The following CHIC2 variants were observed in gnomAD, a reference collection of about 807,000 sequenced individuals.
CHIC2 encodes the protein cysteine-rich hydrophobic domain-containing protein 2.
In CHIC2, 14 loss-of-function variants were observed where a neutral mutation model predicts 25.9. The ratio of observed to expected loss-of-function variants is 0.54; its 90% confidence interval spans 0.36 to 0.85. CHIC2 has a LOEUF of 0.85. Ranked by LOEUF, CHIC2 falls within the 40% of genes least tolerant of loss-of-function variation. The pLI is 0.01. For missense variants in CHIC2, 146 were observed against 202.0 expected (o/e 0.72, Z 1.68); for synonymous variants, 70 against 72.0 (o/e 0.97, Z 0.14).
At chr4:54,042,943 A>C (rs775789982) in intron 3 of CHIC2, among the ~76,000 whole-genome samples, 1 of 152,218 alleles carries the variant, frequency 6.6e-6, no homozygotes, top group Non-Finnish European at 1.5e-5. Flanking sequence ...GAATTTGATC[A>C]TCCATACTTC....
chr4:54,054,681 G>T (rs1473300608), intron 1 of CHIC2, among the ~76,000 whole-genome samples: 1 of 152,158 alleles, frequency 6.6e-6, no homozygotes, highest in Non-Finnish European at 1.5e-5. Context: ...TCTGCTTTAA[G>T]AACAGCTAAT....
chr4:54,033,435 G>T (rs1053081209), intron 3 of CHIC2, among the ~76,000 whole-genome samples: 2 of 151,972 alleles, frequency 1.3e-5, no homozygotes, highest in South Asian at 2.1e-4. Context: ...TATATATTCT[G>T]GACAAAAGTA....
the CHIC2 span, among the ~76,000 whole-genome samples, chr4:54,088,745 ACCCAGTCAT>A: frequency 3.3e-5 from 5 of 152,152 alleles, no homozygotes; most frequent in African/African-American, 1.2e-4. Context: ...GGAAGAATGA[ACCCAGTCAT>A]CCCTATGCAG....
the CHIC2 span, among the ~76,000 whole-genome samples, chr4:54,082,881 C>T: frequency 2.6e-5 from 4 of 152,154 alleles, no homozygotes; most frequent in African/African-American, 9.7e-5. Flanking sequence ...CAATGACTTT[C>T]CTGACCACCA....
At chr4:54,049,693 G>A (rs546841533) in intron 1 of CHIC2, among the ~76,000 whole-genome samples, 1 of 152,200 alleles carries the variant, frequency 6.6e-6, no homozygotes, top group African/African-American at 2.4e-5. Context: ...AACAATACCT[G>A]TGAATTTTAG....
chr4:54,063,260 G>T (rs1270467946), intron 1 of CHIC2, among the ~76,000 whole-genome samples: 2 of 152,184 alleles, frequency 1.3e-5, no homozygotes, highest in Non-Finnish European at 2.9e-5. Context: ...AAGTATGGAA[G>T]TCTGATCTAT....
chr4:54,028,026 G>A (rs765150029), intron 3 of CHIC2, among the ~76,000 whole-genome samples: 1 of 152,060 alleles, frequency 6.6e-6, no homozygotes. Flanking sequence ...CACTTTACCT[G>A]CTTTACAGTT....
At position 54,045,177 on chromosome 4, in the gene CHIC2, A is replaced by G. The variant is rs548481550; in HGVS notation, c.330+3778T>C. Among the ~76,000 whole-genome samples the G allele has an allele frequency of 2.0e-5, 3 of 152,340 alleles. No homozygotes were observed. The East Asian group carries it at 5.8e-4, about 29-fold the overall frequency. On this transcript the variant is annotated intron_variant, in intron 3 of 5. Coordinates refer to ENST00000263921, the MANE Select transcript of CHIC2 (RefSeq NM_012110.4). ...AATTAGTAGCTTACCAATCAAAAAA[A>G]GTCCAGGACCAGATGGATTCACAGC... is the stretch of plus-strand genomic sequence containing the variant.
chr4:54,028,750 A>AATG (rs2110069337), intron 3 of CHIC2, among the ~76,000 whole-genome samples: 1 of 152,366 alleles, frequency 6.6e-6, no homozygotes, highest in Non-Finnish European at 1.5e-5. Context: ...TTCAAGTTAA[A>AATG]CATCAGGAAT....
intron 3 of CHIC2, among the ~76,000 whole-genome samples, chr4:54,024,716 T>C (rs1716003571): frequency 6.6e-6 from 1 of 152,184 alleles, no homozygotes; most frequent in Admixed American, 6.5e-5. Flanking sequence ...ACCAAGCAAG[T>C]AATTATGCTG....
rs528665177 is a variant in CHIC2 at position 54,047,150 on chromosome 4, C to A, written c.330+1805G>T. On this transcript the variant is annotated intron_variant, in intron 3 of 5. Coordinates refer to ENST00000263921, the MANE Select transcript of CHIC2 (RefSeq NM_012110.4). The stretch of plus-strand genomic sequence containing the variant: ...CGATCATTAAAAAGTCAGGAAACAA[C>A]AGGTGCTGGAGAGGATGTGGAGAAA... Among the ~76,000 whole-genome samples the A allele has an allele frequency of 3.5e-3, 537 of 152,248 alleles. 2 individuals are homozygous for A. Among genetic ancestry groups the A allele is most frequent in the African/African-American group, 0.012 (506 of 41,548 alleles).
chr4:54,052,821 T>C (rs1056107350), intron 1 of CHIC2, among the ~76,000 whole-genome samples: 2 of 152,240 alleles, frequency 1.3e-5, no homozygotes, highest in African/African-American at 2.4e-5. Context: ...AAAATATTTA[T>C]ACCTTTGTCA....
intron 4 of CHIC2, 42 bp from the exon 5 acceptor site, chr4:54,013,938 T>C (rs1266554663): frequency 6.2e-7 from 1 of 1,606,422 alleles, no homozygotes; most frequent in South Asian, 1.1e-5. Flanking sequence ...TGAGCTCTAT[T>C]TTATTGCAGC....
At chr4:54,052,535 G>T (rs562250536) in intron 1 of CHIC2, among the ~76,000 whole-genome samples, 5 of 152,134 alleles carry the variant, frequency 3.3e-5, no homozygotes, top group Admixed American at 2.6e-4. Flanking sequence ...TGATGTACTT[G>T]AAAGAAGAGC....
chr4:54,051,200 A>C (rs13146284), intron 1 of CHIC2, among the ~76,000 whole-genome samples: 41,286 of 151,604 alleles, frequency 0.27, 6,509 homozygotes, highest in Middle Eastern at 0.4. Context: ...CTATGACTCC[A>C]TTTCCTTCCT....
chr4:54,068,010 G>A (rs985490244), upstream of CHIC2, among the ~76,000 whole-genome samples: 351 of 151,708 alleles, frequency 2.3e-3, 7 homozygotes, highest in Non-Finnish European at 6.3e-4. Flanking sequence ...GTTGAGATGA[G>A]GTCAAGAGGC....
chr4:54,013,547 T>C (rs1223429284), intron 5 of CHIC2, among the ~76,000 whole-genome samples: 1 of 152,160 alleles, frequency 6.6e-6, no homozygotes, highest in Non-Finnish European at 1.5e-5. Context: ...TTATTCTTTA[T>C]ACAGCATCTA....
In CHIC2 at chr4:54,014,539, T is replaced by C. The variant is rs374104785; in HGVS notation, c.331-420A>G. 1.1e-3 allele frequency among the ~76,000 whole-genome samples: 172 copies of C among 152,172 alleles called. 7 individuals are homozygous for C. In the South Asian group the frequency reaches 0.034, roughly 30 times the overall value. On this transcript the variant is annotated intron_variant, in intron 3 of 5. Transcript: ENST00000263921. The stretch of plus-strand genomic sequence containing the variant: ...TTTCAGTAAGTTCCAAAACAAAAAA[T>C]TGGAATATTAAAAAAATCAATGAGT...
Position 54,013,829 on chromosome 4 carries a change from T to TA in CHIC2, c.447+7dup. The TA allele has an allele frequency of 6.2e-7, 1 of 1,612,558 alleles. No individual in the cohort carries two copies. The highest frequency in any genetic ancestry group is 8.5e-7 in the Non-Finnish European group (1 of 1,178,906). ...TAGAGAAACTCACAAAACAGCCCTT[T>TA]AACTTACATATTCCATCATGTTATT... is the stretch of plus-strand genomic sequence containing the variant. On this transcript the variant is annotated splice_region_variant and intron_variant, in intron 5 of 5. Transcript: ENST00000263921.
Sources: gnomAD v4.1 joint callset for allele counts (sites outside exome capture counted in the v4.1 genomes callset) on GRCh38, gnomAD v4.1.1 for gene constraint, MANE v1.5 for transcripts, NCBI Gene and HGNC (gene_info 2026-07-23, HGNC 2026-07-21) for gene names.